The following ATAD2B variants were observed in gnomAD, a reference collection of about 807,000 sequenced individuals.
ATAD2B encodes ATPase family AAA domain containing 2B.
Under a neutral mutation model 167.6 loss-of-function variants are expected in ATAD2B, and 40 were observed. The observed-to-expected ratio is 0.24, with a 90% CI of 0.19 to 0.31. The LOEUF (loss-of-function observed/expected upper bound fraction) is 0.31, where lower values mean the gene tolerates loss of function less well. ATAD2B is among the 10% of genes least tolerant of loss of function. The probability of loss-of-function intolerance (pLI) is 1.00; values close to 1 mark genes in which losing one functional copy is unlikely to be tolerated. For missense variants in ATAD2B, 1,242 were observed against 1,757.2 expected (o/e 0.71, Z 5.24); for synonymous variants, 579 against 596.5 (o/e 0.97, Z 0.43).
intron 1 of ATAD2B, among the ~76,000 whole-genome samples, chr2:23,911,623 C>T (rs13387694): frequency 4.6e-5 from 7 of 151,728 alleles, no homozygotes; most frequent in Non-Finnish European, 7.4e-5. Context: ...GGGGAGGGGG[C>T]GAAGCGAAGC....
the ATAD2B span, among the ~76,000 whole-genome samples, chr2:23,730,600 A>T: frequency 3.2e-5 from 4 of 123,844 alleles, no homozygotes; most frequent in Non-Finnish European, 4.8e-5. Context: ...TGGGAGGTGG[A>T]GCTTGTAGTG....
chr2:23,921,780 T>C (rs370341058), intron 1 of ATAD2B, among the ~76,000 whole-genome samples: 2 of 152,166 alleles, frequency 1.3e-5, no homozygotes, highest in Non-Finnish European at 2.9e-5. Context: ...TGTACCTATA[T>C]TGTACTATAG....
chr2:23,848,612 C>T (rs1045464660), intron 13 of ATAD2B, among the ~76,000 whole-genome samples: 1 of 152,162 alleles, frequency 6.6e-6, no homozygotes, highest in Non-Finnish European at 1.5e-5. Context: ...AAGTTAAAGA[C>T]ATATACCATA....
the ATAD2B span, among the ~76,000 whole-genome samples, chr2:23,713,742 G>A: frequency 6.6e-6 from 1 of 152,102 alleles, no homozygotes; most frequent in African/African-American, 2.4e-5. Flanking sequence ...GCATGTGTCA[G>A]CACTTCATTC....
intron 1 of ATAD2B, 107 bp from the exon 2 acceptor site, chr2:23,896,077 G>A: frequency 1.2e-6 from 1 of 844,042 alleles, no homozygotes; most frequent in Non-Finnish European, 1.7e-6. Context: ...AGCACTTTGG[G>A]TGGCCGAGGT....
chr2:23,752,627 C>T (rs949494585), intron 27 of ATAD2B, among the ~76,000 whole-genome samples: 3 of 152,012 alleles, frequency 2.0e-5, no homozygotes, highest in African/African-American at 7.2e-5. Flanking sequence ...TGACAGCTAA[C>T]AGGTGGCAGT....
chr2:23,724,146 G>C, the ATAD2B span, among the ~76,000 whole-genome samples: 1 of 152,294 alleles, frequency 6.6e-6, no homozygotes, highest in Admixed American at 6.5e-5. Context: ...GAGGAATAGG[G>C]AGAGACTTGT....
chr2:23,813,760 T>C (rs993241113), intron 17 of ATAD2B, among the ~76,000 whole-genome samples: 3 of 151,388 alleles, frequency 2.0e-5, no homozygotes, highest in African/African-American at 7.3e-5. Context: ...TAAAATAAAA[T>C]AAAAGGAAGA....
chr2:23,852,330 G>A (rs1692696578), intron 13 of ATAD2B, among the ~76,000 whole-genome samples: 1 of 151,484 alleles, frequency 6.6e-6, no homozygotes, highest in African/African-American at 2.4e-5. Context: ...TCACTATGTT[G>A]CCCAGGCTGC....
At chr2:23,808,006 TTATA>T (rs1266315309) in intron 18 of ATAD2B, among the ~76,000 whole-genome samples, 1 of 117,010 alleles carries the variant, frequency 8.5e-6, no homozygotes, top group South Asian at 2.5e-4. Context: ...GCACAGTAAT[TTATA>T]TATATTATTT....
chr2:23,703,757 G>A, the ATAD2B span: 269 of 1,537,272 alleles, frequency 1.7e-4, no homozygotes, highest in Admixed American at 1.7e-3. Flanking sequence ...CAATGGCTTC[G>A]TTTTCATCCT....
At chr2:23,690,852 G>A in the ATAD2B span, 6 of 152,366 alleles carry the variant, frequency 3.9e-5, no homozygotes, top group African/African-American at 1.4e-4. Flanking sequence ...GATATAAACA[G>A]ATTTATATAT....
chr2:23,823,262 T>C lies in ATAD2B; in HGVS notation c.2127A>G (p.Lys709=), dbSNP rs181404624. The C allele has an allele frequency of 7.5e-6, 12 of 1,606,182 alleles. No homozygotes were observed. The Admixed American group carries it at 1.3e-4, about 18-fold the overall frequency. Residue 709 remains lysine (K), a synonymous_variant, in exon 16 of 28, where the codon AAA becomes AAG. Coordinates refer to ENST00000238789, the MANE Select transcript of ATAD2B (RefSeq NM_017552.4). ...PHAEISQSDK[K]EDIETLILED... The stretch of plus-strand genomic sequence containing the variant: ...TAAAAAAGTAGTTTAGAGTACCTTC[T>C]TTTTTGTCACTCTGGCTAATTTCAG...
chr2:23,854,409 G>A (rs1035799637), intron 13 of ATAD2B, among the ~76,000 whole-genome samples: 1 of 152,032 alleles, frequency 6.6e-6, no homozygotes, highest in African/African-American at 2.4e-5. Flanking sequence ...TGGGAACAGT[G>A]GCTCATGCCT....
At chr2:23,678,229 G>A in the ATAD2B span, among the ~76,000 whole-genome samples, 1 of 152,218 alleles carries the variant, frequency 6.6e-6, no homozygotes, top group Non-Finnish European at 1.5e-5. Flanking sequence ...GCCCCAGGCA[G>A]AGCCTCTTCC....
At chr2:23,777,654 G>C (rs1679370482) in intron 22 of ATAD2B, among the ~76,000 whole-genome samples, 1 of 152,052 alleles carries the variant, frequency 6.6e-6, no homozygotes, top group African/African-American at 2.4e-5. Flanking sequence ...TAAAACATTA[G>C]GGCGAAAATT....
chr2:23,874,030 T>C (rs1413601902), intron 8 of ATAD2B, among the ~76,000 whole-genome samples: 1 of 151,790 alleles, frequency 6.6e-6, no homozygotes, highest in Non-Finnish European at 1.5e-5. Flanking sequence ...CTACTAAAAA[T>C]ACAAAAATTA....
chr2:23,782,957 A>G lies in ATAD2B; in HGVS notation c.3045T>C (p.His1015=). The G allele has an allele frequency of 6.2e-7, 1 of 1,601,004 alleles. No homozygotes were observed. The highest frequency in any genetic ancestry group is 2.2e-5 in the East Asian group (1 of 44,672). Residue 1015 remains histidine (H), a synonymous_variant, in exon 22 of 28, where the codon CAT becomes CAC. Transcript: ENST00000238789. Reference sequence around the variant, plus strand: ...GGAAATCCTTTGCAGTCAGGTAATTATGTTTATCAATTTTAGTTATTACTG... The same window carrying G: ...GGAAATCCTTTGCAGTCAGGTAATTGTGTTTATCAATTTTAGTTATTACTG... ...LSTVITKIDK[H]NYLTAKDFLK... is the part of the protein sequence containing the mutation.
intron 22 of ATAD2B, among the ~76,000 whole-genome samples, chr2:23,773,246 C>G (rs138467852): frequency 8.3e-4 from 126 of 152,304 alleles, no homozygotes; most frequent in African/African-American, 3.0e-3. Flanking sequence ...TGGCTCACAT[C>G]TGTAATCTCA....
Sources: allele counts gnomAD v4.1 joint callset (sites outside exome capture counted in the v4.1 genomes callset), GRCh38; gene constraint gnomAD v4.1.1; transcripts MANE v1.5; gene names NCBI Gene and HGNC (gene_info 2026-07-23, HGNC 2026-07-21).